The following CNTNAP5 variants were observed in gnomAD, a reference collection of about 807,000 sequenced individuals.
The protein encoded by CNTNAP5 is contactin-associated protein-like 5.
CNTNAP5 carries 72 observed loss-of-function variants against 150.2 expected under a neutral mutation model. That is an observed-to-expected ratio of 0.48 (90% CI 0.40 to 0.58). CNTNAP5 has a LOEUF of 0.58. Ranked by LOEUF, CNTNAP5 falls within the 20% of genes least tolerant of loss-of-function variation. CNTNAP5 has a pLI of 0.00. For synonymous variants in CNTNAP5, 672 were observed against 619.8 expected (o/e 1.08, Z -1.25); for missense variants, 1,636 against 1,626.2 (o/e 1.01, Z -0.10).
At chr2:124,099,152 C>T (rs1683008034) in intron 1 of CNTNAP5, among the ~76,000 whole-genome samples, 1 of 152,156 alleles carries the variant, frequency 6.6e-6, no homozygotes, top group African/African-American at 2.4e-5. Flanking sequence ...CATTGCTCCT[C>T]TGCACCCTTC....
chr2:124,472,598 A>G lies in CNTNAP5; in HGVS notation c.919-2141A>G, dbSNP rs1693542305. ...ATAAATACATATATATCATATGATT[A>G]CCATCATACCTTGCAGGTATTGTGG... On this transcript the variant is annotated intron_variant, in intron 6 of 23. Transcript: ENST00000682447. Among the ~76,000 whole-genome samples, 4 of 151,340 alleles carry G rather than the reference A, an allele frequency of 2.6e-5. No homozygotes were observed. In the South Asian group the frequency reaches 8.3e-4, roughly 31 times the overall value.
intron 1 of CNTNAP5, among the ~76,000 whole-genome samples, chr2:124,041,270 A>C (rs1326728856): frequency 1.3e-5 from 2 of 152,194 alleles, no homozygotes; most frequent in Non-Finnish European, 2.9e-5. Context: ...TTGTTGGCAA[A>C]TTCAATTTGA....
intron 21 of CNTNAP5, among the ~76,000 whole-genome samples, chr2:124,881,274 G>C (rs1055405097): frequency 6.6e-6 from 1 of 152,220 alleles, no homozygotes. Flanking sequence ...GGATACGAAA[G>C]AGATAGCAAT....
At chr2:124,141,010 G>T (rs1429787001) in intron 1 of CNTNAP5, among the ~76,000 whole-genome samples, 7 of 55,758 alleles carry the variant, frequency 1.3e-4, no homozygotes, top group East Asian at 8.8e-4. Flanking sequence ...CTCAGGAGCC[G>T]ATGCGATCAA....
chr2:124,493,515 T>A (rs1694078848), intron 7 of CNTNAP5, among the ~76,000 whole-genome samples: 1 of 151,960 alleles, frequency 6.6e-6, no homozygotes, highest in African/African-American at 2.4e-5. Context: ...TAATTTTTTA[T>A]ATTTTTAGTA....
intron 13 of CNTNAP5, among the ~76,000 whole-genome samples, chr2:124,713,243 C>CTTTCTT (rs1280851827): frequency 0.068 from 4,419 of 65,094 alleles, 860 homozygotes; most frequent in East Asian, 0.1. Flanking sequence ...TTCTTTCTTT[C>CTTTCTT]TCTTTCTTTC....
intron 11 of CNTNAP5, among the ~76,000 whole-genome samples, chr2:124,575,553 C>T (rs1696264359): frequency 6.6e-6 from 1 of 152,114 alleles, no homozygotes; most frequent in South Asian, 2.1e-4. Context: ...AGTATTTTGG[C>T]CTTGAAGTTA....
intron 9 of CNTNAP5, among the ~76,000 whole-genome samples, chr2:124,525,805 GTAGGTAATATCCCCACT>G (rs1694951551): frequency 4.6e-5 from 7 of 152,184 alleles, no homozygotes; most frequent in Admixed American, 4.6e-4. Flanking sequence ...ACCTTGTGCA[GTAGGTAATATCCCCACT>G]TAATAGATAA....
intron 3 of CNTNAP5, among the ~76,000 whole-genome samples, chr2:124,357,090 T>G (rs1690032592): frequency 6.6e-6 from 1 of 152,214 alleles, no homozygotes; most frequent in Admixed American, 6.5e-5. Context: ...TGCTTTTGGC[T>G]GCATAAATGT....
intron 12 of CNTNAP5, among the ~76,000 whole-genome samples, chr2:124,627,446 AC>A (rs1260368120): frequency 6.6e-6 from 1 of 151,310 alleles, no homozygotes; most frequent in African/African-American, 2.4e-5. Context: ...TCTGGAGTGG[AC>A]CCCCAGCAAA....
chr2:124,677,716 G>T (rs1395616801), intron 13 of CNTNAP5, among the ~76,000 whole-genome samples: 2 of 151,336 alleles, frequency 1.3e-5, no homozygotes, highest in African/African-American at 4.8e-5. Context: ...GTGCTGATTG[G>T]TGTGGTTTTA....
chr2:124,913,686 C>A (rs561113008), intron 23 of CNTNAP5, among the ~76,000 whole-genome samples: 59 of 152,126 alleles, frequency 3.9e-4, no homozygotes, highest in African/African-American at 1.3e-3. Flanking sequence ...TTCTAAGATG[C>A]TAAAGTAACT....
At chr2:124,384,793 C>T (rs775171953) in intron 3 of CNTNAP5, among the ~76,000 whole-genome samples, 44 of 152,174 alleles carry the variant, frequency 2.9e-4, no homozygotes, top group Non-Finnish European at 4.9e-4. Flanking sequence ...ATTTCCCCAG[C>T]GTTCTAACCC....
At chr2:124,739,161 C>T (rs1310614054) in intron 13 of CNTNAP5, among the ~76,000 whole-genome samples, 2 of 152,084 alleles carry the variant, frequency 1.3e-5, no homozygotes, top group African/African-American at 4.8e-5. Context: ...CTCTTTCTGG[C>T]TCACTTCAAT....
chr2:124,629,401 A>C (rs1677798220), intron 12 of CNTNAP5, among the ~76,000 whole-genome samples: 2 of 152,316 alleles, frequency 1.3e-5, no homozygotes, highest in South Asian at 4.1e-4. Flanking sequence ...CTCAAGATTG[A>C]AAGGTCCACT....
chr2:124,694,807 A>C (rs559420709), intron 13 of CNTNAP5, among the ~76,000 whole-genome samples: 1 of 152,296 alleles, frequency 6.6e-6, no homozygotes, highest in East Asian at 1.9e-4. Flanking sequence ...TAGTCAACCT[A>C]CAGTTAACAA....
At chr2:124,722,934 A>T (rs77500745) in intron 13 of CNTNAP5, among the ~76,000 whole-genome samples, 2,725 of 152,256 alleles carry the variant, frequency 0.018, 32 homozygotes, top group Non-Finnish European at 0.027. Context: ...TCAGTCAAGG[A>T]TGGCAGTGTG....
chr2:124,205,119 C>G (rs1223525405), intron 1 of CNTNAP5, among the ~76,000 whole-genome samples: 1 of 152,102 alleles, frequency 6.6e-6, no homozygotes, highest in South Asian at 2.1e-4. Flanking sequence ...TGACCGTGTC[C>G]CCACCCAAAT....
chr2:124,462,489 GTAT>G (rs1693276962), intron 6 of CNTNAP5, among the ~76,000 whole-genome samples: 1 of 152,140 alleles, frequency 6.6e-6, no homozygotes, highest in South Asian at 2.1e-4. Context: ...TTTAATACAA[GTAT>G]TATACAAAAA....
Sources: gnomAD v4.1 joint callset for allele counts (sites outside exome capture counted in the v4.1 genomes callset) on GRCh38, gnomAD v4.1.1 for gene constraint, MANE v1.5 for transcripts, NCBI Gene and HGNC (gene_info 2026-07-23, HGNC 2026-07-21) for gene names.